Variants in ARHGAP15 observed in about 807,000 individuals in gnomAD.
ARHGAP15 encodes Rho GTPase activating protein 15, also known as rho GTPase-activating protein 15.
A neutral mutation model predicts 63.7 loss-of-function variants in ARHGAP15; 51 were observed. The observed-to-expected ratio is 0.80, with a 90% confidence interval of 0.64 to 1.01. ARHGAP15 has a LOEUF of 1.01. Among genes scored for constraint, ARHGAP15 ranks in the 50% least tolerant of loss-of-function variants. The pLI is 0.00. For synonymous variants in ARHGAP15, 191 were observed against 193.8 expected (o/e 0.99, Z 0.12); for missense variants, 560 against 564.6 (o/e 0.99, Z 0.08).
intron 6 of ARHGAP15, among the ~76,000 whole-genome samples, chr2:143,407,393 C>A (rs1234644455): frequency 6.6e-6 from 1 of 151,848 alleles, no homozygotes; most frequent in Non-Finnish European, 1.5e-5. Context: ...CATTTCCTTT[C>A]CTATTTTCTA....
intron 10 of ARHGAP15, 67 bp from the exon 11 acceptor site, chr2:143,556,341 A>G (rs1695796984): frequency 1.6e-6 from 2 of 1,243,632 alleles, no homozygotes; most frequent in Non-Finnish European, 2.3e-6. Context: ...CCTTCTTTTC[A>G]TAGATTTTTT....
intron 12 of ARHGAP15, among the ~76,000 whole-genome samples, chr2:143,655,826 G>C (rs1263150169): frequency 6.6e-6 from 1 of 150,688 alleles, no homozygotes; most frequent in East Asian, 1.9e-4. Flanking sequence ...CTTAACAAGT[G>C]ATGCCAAAAA....
chr2:143,395,036 C>G (rs1687699500), intron 6 of ARHGAP15, among the ~76,000 whole-genome samples: 2 of 152,044 alleles, frequency 1.3e-5, no homozygotes, highest in African/African-American at 4.8e-5. Flanking sequence ...TCTGGATCAC[C>G]TACTACCACA....
At chr2:143,145,454 C>G (rs905667133) in intron 1 of ARHGAP15, among the ~76,000 whole-genome samples, 1 of 152,012 alleles carries the variant, frequency 6.6e-6, no homozygotes, top group African/African-American at 2.4e-5. Context: ...TATTGCCAAT[C>G]TCCTTTGTGG....
intron 8 of ARHGAP15, among the ~76,000 whole-genome samples, chr2:143,477,190 GCACA>G (rs59257825): frequency 0.068 from 10,088 of 147,490 alleles, 505 homozygotes; most frequent in East Asian, 0.22. Context: ...ACACATGCTC[GCACA>G]CACACACACA....
At chr2:143,732,138 A>G (rs1174654736) in intron 13 of ARHGAP15, among the ~76,000 whole-genome samples, 1 of 152,200 alleles carries the variant, frequency 6.6e-6, no homozygotes, top group Non-Finnish European at 1.5e-5. Flanking sequence ...ATAATAAGAA[A>G]TTCTGAATCT....
At chr2:143,673,770 A>G (rs1180950956) in intron 12 of ARHGAP15, among the ~76,000 whole-genome samples, 40 of 101,226 alleles carry the variant, frequency 4.0e-4, no homozygotes, top group East Asian at 3.1e-3. Flanking sequence ...ATATATATAT[A>G]TATATATATA....
intron 6 of ARHGAP15, among the ~76,000 whole-genome samples, chr2:143,277,119 A>G (rs546265406): frequency 1.3e-5 from 2 of 148,346 alleles, no homozygotes; most frequent in African/African-American, 5.0e-5. Flanking sequence ...GCTTCCTTAC[A>G]CCCTCCTGAA....
intron 12 of ARHGAP15, among the ~76,000 whole-genome samples, chr2:143,684,390 T>C (rs1683234676): frequency 6.6e-6 from 1 of 152,214 alleles, no homozygotes; most frequent in Non-Finnish European, 1.5e-5. Flanking sequence ...TTAGTGGTTC[T>C]TTTTAGTTTA....
intron 6 of ARHGAP15, among the ~76,000 whole-genome samples, chr2:143,390,696 G>A (rs747661204): frequency 1.3e-5 from 2 of 149,738 alleles, no homozygotes; most frequent in Non-Finnish European, 3.0e-5. Context: ...TCCCCCCACC[G>A]TGGATATTTC....
intron 13 of ARHGAP15, among the ~76,000 whole-genome samples, chr2:143,761,422 C>T (rs1332918145): frequency 1.3e-5 from 2 of 152,160 alleles, no homozygotes; most frequent in Non-Finnish European, 2.9e-5. Flanking sequence ...ATTTCTAATA[C>T]ACCTTCATAA....
At chr2:143,388,589 G>A (rs1224034199) in intron 6 of ARHGAP15, among the ~76,000 whole-genome samples, 2 of 152,128 alleles carry the variant, frequency 1.3e-5, no homozygotes, top group Non-Finnish European at 2.9e-5. Flanking sequence ...AATAGGCTTA[G>A]GGAGGCATCG....
chr2:143,290,256 T>C (rs1023221426), intron 6 of ARHGAP15, among the ~76,000 whole-genome samples: 1 of 151,826 alleles, frequency 6.6e-6, no homozygotes, highest in Non-Finnish European at 1.5e-5. Flanking sequence ...ATCTAAGTAT[T>C]GAGGAAGGAG....
At chr2:143,539,564 A>G (rs1382945565) in intron 10 of ARHGAP15, among the ~76,000 whole-genome samples, 6 of 152,018 alleles carry the variant, frequency 3.9e-5, no homozygotes, top group Non-Finnish European at 1.5e-5. Flanking sequence ...TGTCCCAGAG[A>G]TTCTGGTATG....
At chr2:143,140,032 C>T (rs756332897) in intron 1 of ARHGAP15, among the ~76,000 whole-genome samples, 9 of 151,956 alleles carry the variant, frequency 5.9e-5, no homozygotes, top group African/African-American at 9.7e-5. Flanking sequence ...AGGTTAAACG[C>T]GGTGGTAAGA....
chr2:143,372,315 C>T (rs1017963509), intron 6 of ARHGAP15, among the ~76,000 whole-genome samples: 5 of 144,356 alleles, frequency 3.5e-5, no homozygotes, highest in Middle Eastern at 3.7e-3. Flanking sequence ...TGCATTCCAG[C>T]CTGGCGACAA....
At chr2:143,244,747 A>G (rs778996776) in intron 5 of ARHGAP15, among the ~76,000 whole-genome samples, 19 of 152,288 alleles carry the variant, frequency 1.2e-4, no homozygotes, top group South Asian at 6.2e-4. Flanking sequence ...CATTGAACGA[A>G]AAAAGGTCAA....
At chr2:143,554,032 G>T (rs1695684199) in intron 10 of ARHGAP15, among the ~76,000 whole-genome samples, 1 of 151,356 alleles carries the variant, frequency 6.6e-6, no homozygotes, top group Admixed American at 6.6e-5. Flanking sequence ...CTCTGATAAG[G>T]GTCTAGCTAA....
At chr2:143,493,798 T>C (rs771979909) in intron 9 of ARHGAP15, among the ~76,000 whole-genome samples, 5 of 152,210 alleles carry the variant, frequency 3.3e-5, no homozygotes, top group Non-Finnish European at 7.3e-5. Flanking sequence ...CTTCTATTAC[T>C]CTTTAACAGT....
Sources: gnomAD v4.1 joint callset for allele counts (sites outside exome capture counted in the v4.1 genomes callset) on GRCh38, gnomAD v4.1.1 for gene constraint, MANE v1.5 for transcripts, NCBI Gene and HGNC (gene_info 2026-07-23, HGNC 2026-07-21) for gene names.